The following AP2B1 variants were observed in gnomAD, a reference collection of about 807,000 sequenced individuals.
AP2B1 encodes AP-2 complex subunit beta.
AP2B1 carries 23 observed loss-of-function variants against 102.0 expected under a neutral mutation model. The observed-to-expected ratio is 0.23, with a 90% confidence interval of 0.16 to 0.32. The LOEUF is 0.32. Ranked by LOEUF, AP2B1 falls within the 10% of genes least tolerant of loss-of-function variation. The pLI, the probability that AP2B1 is intolerant of heterozygous loss-of-function variation, is 1.00. For missense variants in AP2B1, 541 were observed against 1,157.4 expected (o/e 0.47, Z 7.73); for synonymous variants, 381 against 421.2 (o/e 0.90, Z 1.17).
chr17:35,625,363 T>C (rs533002985), intron 6 of AP2B1, among the ~76,000 whole-genome samples: 1 of 152,314 alleles, frequency 6.6e-6, no homozygotes, highest in Admixed American at 6.5e-5. Flanking sequence ...TCTTCACTTA[T>C]CTGGGAAATT....
intron 5 of AP2B1, among the ~76,000 whole-genome samples, chr17:35,620,668 T>G (rs1200354579): frequency 6.6e-6 from 1 of 151,922 alleles, no homozygotes; most frequent in Non-Finnish European, 1.5e-5. Context: ...ATTAAGAAAC[T>G]TGACTGGGTG....
At chr17:35,662,532 G>GTT (rs34547701) in intron 14 of AP2B1, among the ~76,000 whole-genome samples, 46 of 110,078 alleles carry the variant, frequency 4.2e-4, no homozygotes, top group Non-Finnish European at 5.7e-4. Context: ...GTTTGGGTTT[G>GTT]TTTTTTTTTT....
intron 18 of AP2B1, among the ~76,000 whole-genome samples, chr17:35,686,882 C>T (rs189494700): frequency 1.5e-4 from 23 of 152,206 alleles, no homozygotes; most frequent in Admixed American, 1.3e-3. Flanking sequence ...AGGAGAATGG[C>T]GTGAGAATGG....
At chr17:35,664,019 A>G (rs2075410391) in intron 14 of AP2B1, among the ~76,000 whole-genome samples, 1 of 152,288 alleles carries the variant, frequency 6.6e-6, no homozygotes, top group Middle Eastern at 3.4e-3. Flanking sequence ...TCAGCCTCCC[A>G]AAGTGTTAGG....
chr17:35,670,877 G>T lies in AP2B1; in HGVS notation c.2010G>T (p.Gly670=), dbSNP rs1417983412. The T allele has an allele frequency of 6.2e-7, 1 of 1,613,752 alleles. No individual in the cohort carries two copies. The highest frequency in any genetic ancestry group is 1.3e-5 in the African/African-American group (1 of 74,802). ...LDSLLGSDLG[G]GIGGSPAVGQ... ...TTCAGCTTGGCAGTGACCTTGGCGG[G>T]GGCATTGGAGGAAGTCCGGCAGTAA... The change falls in exon 15 of 22, where the codon GGG becomes GGT. Residue 670 remains glycine (G), a synonymous_variant. Coordinates refer to ENST00000610402, the MANE Select transcript of AP2B1 (RefSeq NM_001030006.2).
At position 35,674,838 on chromosome 17, in the gene AP2B1, A is replaced by G. The variant is rs142832438; in HGVS notation, c.2324+517A>G. On this transcript the variant is annotated intron_variant, in intron 17 of 21. Coordinates refer to ENST00000610402, the MANE Select transcript of AP2B1 (RefSeq NM_001030006.2). ...TTGTTGGGAAACTCATCCAAATGCG[A>G]TGAAGAAACCAGAACTTATTTACTA... is the stretch of plus-strand genomic sequence containing the variant. Among the ~76,000 whole-genome samples the G allele has an allele frequency of 4.0e-3, 603 of 152,356 alleles. 7 individuals are homozygous for G. The Middle Eastern group carries it at 0.041, about 10-fold the overall frequency.
intron 2 of AP2B1, chr17:35,596,867 A>G: frequency 1.4e-6 from 1 of 691,020 alleles, no homozygotes. Context: ...CAGCAGGAAG[A>G]AGCCATATGC....
intron 13 of AP2B1, among the ~76,000 whole-genome samples, chr17:35,652,968 G>A (rs1456058579): frequency 1.3e-5 from 2 of 152,094 alleles, no homozygotes; most frequent in African/African-American, 4.8e-5. Context: ...CTTTCTTAAA[G>A]CCTTTTCATC....
At chr17:35,711,549 A>G (rs2076450074) in intron 20 of AP2B1, among the ~76,000 whole-genome samples, 1 of 151,648 alleles carries the variant, frequency 6.6e-6, no homozygotes, top group Non-Finnish European at 1.5e-5. Context: ...GCTCACTGCA[A>G]GCTCCGCCTC....
chr17:35,698,154 T>C (rs1210898632), intron 18 of AP2B1, among the ~76,000 whole-genome samples: 3 of 152,212 alleles, frequency 2.0e-5, no homozygotes, highest in African/African-American at 7.2e-5. Context: ...AAGTTTACTT[T>C]GGTGGGAAAT....
chr17:35,710,154 G>A (rs2076418260), intron 19 of AP2B1, 80 bp from the exon 20 acceptor site: 4 of 1,018,640 alleles, frequency 3.9e-6, no homozygotes, highest in Non-Finnish European at 6.1e-6. Flanking sequence ...CATGCCAAAG[G>A]AAAAATGATG....
At chr17:35,697,049 C>T (rs1568007401) in intron 18 of AP2B1, among the ~76,000 whole-genome samples, 1 of 152,242 alleles carries the variant, frequency 6.6e-6, no homozygotes, top group Non-Finnish European at 1.5e-5. Flanking sequence ...TCTTAACAAA[C>T]AGAGTATCCC....
chr17:35,666,106 A>T (rs2075458536), intron 14 of AP2B1, among the ~76,000 whole-genome samples: 1 of 151,916 alleles, frequency 6.6e-6, no homozygotes, highest in Non-Finnish European at 1.5e-5. Context: ...TCCTTTTGTT[A>T]TCTATAGCTG....
intron 2 of AP2B1, 107 bp downstream of exon 2, chr17:35,594,174 T>C (rs2073187478): frequency 1.5e-6 from 1 of 650,606 alleles, no homozygotes; most frequent in African/African-American, 1.9e-5. Flanking sequence ...TACATGTAGC[T>C]GACAATCTCA....
intron 18 of AP2B1, among the ~76,000 whole-genome samples, chr17:35,688,975 A>G (rs879166301): frequency 2.0e-5 from 3 of 152,178 alleles, no homozygotes; most frequent in Admixed American, 2.0e-4. Flanking sequence ...TATCTCAAAA[A>G]GAAAAGAAAA....
chr17:35,670,878 G>A lies in AP2B1; in HGVS notation c.2011G>A (p.Gly671Ser), dbSNP rs1567950008. ...TCAGCTTGGCAGTGACCTTGGCGGG[G>A]GCATTGGAGGAAGTCCGGCAGTAAG... ...DSLLGSDLGGGIGGSPAVGQS... is the reference protein window; with the variant it reads ...DSLLGSDLGGSIGGSPAVGQS... The change falls in exon 15 of 22, where the codon GGC becomes AGC. Residue 671 changes from glycine (G) to serine (S), a missense_variant. Transcript: ENST00000610402. The A allele has an allele frequency of 6.2e-7, 1 of 1,613,756 alleles. No homozygotes were observed. The highest frequency in any genetic ancestry group is 1.7e-5 in the Admixed American group (1 of 59,962).
rs754662542 is a variant in AP2B1, at chr17:35,608,396, C to T, written c.525+9C>T. On this transcript the variant is annotated intron_variant, in intron 5 of 21. Coordinates refer to ENST00000610402, the MANE Select transcript of AP2B1 (RefSeq NM_001030006.2). ...CAGATTCAAATCCAATGGTAATAAG[C>T]TTCTGCTTTTACAAAGAGAGCAGTA... The T allele has an allele frequency of 6.2e-7, 1 of 1,613,638 alleles. No homozygotes were observed. The highest frequency in any genetic ancestry group is 8.5e-7 in the Non-Finnish European group (1 of 1,179,670).
chr17:35,705,275 C>T (rs1386433045), intron 18 of AP2B1, among the ~76,000 whole-genome samples: 1 of 152,118 alleles, frequency 6.6e-6, no homozygotes, highest in East Asian at 1.9e-4. Flanking sequence ...AACTGCTTCC[C>T]CCAATGAATG....
At chr17:35,680,687 T>TTTTTTTTTGG (rs1567971879) in intron 17 of AP2B1, among the ~76,000 whole-genome samples, 1 of 49,656 alleles carries the variant, frequency 2.0e-5, no homozygotes, top group African/African-American at 9.9e-5. Context: ...ATGGTTTTGG[T>TTTTTTTTTGG]TTTTTTTTTT....
Sources: allele counts gnomAD v4.1 joint callset (sites outside exome capture counted in the v4.1 genomes callset), GRCh38; gene constraint gnomAD v4.1.1; transcripts MANE v1.5; gene names NCBI Gene and HGNC (gene_info 2026-07-23, HGNC 2026-07-21).